Variants in ZNF521 observed in about 807,000 individuals in gnomAD.
ZNF521 encodes the protein zinc finger protein 521, also known as LYST-interacting protein 3.
Under a neutral mutation model 105.5 loss-of-function variants are expected in ZNF521, and 14 were observed. The ratio of observed to expected loss-of-function variants is 0.13; its 90% CI spans 0.09 to 0.21. The LOEUF (loss-of-function observed/expected upper bound fraction) is 0.21. ZNF521 is among the 10% of genes least tolerant of loss of function. ZNF521 has a pLI of 1.00. For missense variants in ZNF521, 1,233 were observed against 1,629.7 expected, an observed-to-expected ratio of 0.76 and a Z score of 4.19; for synonymous variants, 635 against 606.0, an observed-to-expected ratio of 1.05 and a Z score of -0.70.
At chr18:25,130,979 A>C (rs1320595765) in intron 5 of ZNF521, among the ~76,000 whole-genome samples, 3 of 145,484 alleles carry the variant, frequency 2.1e-5, no homozygotes, top group Non-Finnish European at 4.6e-5. Context: ...TCAATCAATC[A>C]ATCCTACACA....
intron 3 of ZNF521, among the ~76,000 whole-genome samples, chr18:25,238,531 G>A (rs1250674143): frequency 1.3e-5 from 2 of 152,146 alleles, no homozygotes; most frequent in Non-Finnish European, 2.9e-5. Flanking sequence ...ATCAGGTATT[G>A]ACAAAGCAAA....
At chr18:25,317,821 G>A (rs529365145) in intron 3 of ZNF521, among the ~76,000 whole-genome samples, 8 of 152,140 alleles carry the variant, frequency 5.3e-5, no homozygotes, top group South Asian at 2.1e-4. Context: ...AATTAAAGAC[G>A]GATAATATAA....
At chr18:25,351,517 CTT>C (rs1176777656) in intron 1 of ZNF521, 5 of 149,820 alleles carry the variant, frequency 3.3e-5, no homozygotes, top group African/African-American at 1.2e-4. Context: ...GAGTCGTGCT[CTT>C]TTGTAGTTGG....
chr18:25,244,808 T>C (rs554940962), intron 3 of ZNF521, among the ~76,000 whole-genome samples: 44 of 152,312 alleles, frequency 2.9e-4, no homozygotes, highest in African/African-American at 1.1e-3. Flanking sequence ...GGTTTCTGTC[T>C]CCTCACCCCA....
chr18:25,333,849 A>T (rs1404779911), intron 2 of ZNF521, among the ~76,000 whole-genome samples: 1 of 152,188 alleles, frequency 6.6e-6, no homozygotes, highest in Non-Finnish European at 1.5e-5. Context: ...GCAGTGTGGT[A>T]TTACCAGGGG....
chr18:25,094,104 T>C (rs560297879), intron 5 of ZNF521, among the ~76,000 whole-genome samples: 2 of 152,212 alleles, frequency 1.3e-5, no homozygotes, highest in South Asian at 2.1e-4. Flanking sequence ...TGAACTGATA[T>C]ACACTTGTTC....
intron 5 of ZNF521, among the ~76,000 whole-genome samples, chr18:25,176,407 G>A (rs550832494): frequency 6.6e-6 from 1 of 152,272 alleles, no homozygotes; most frequent in South Asian, 2.1e-4. Context: ...TATGCACTGA[G>A]CAATCTTCGT....
chr18:25,282,501 G>T (rs1910442569), intron 3 of ZNF521, among the ~76,000 whole-genome samples: 1 of 152,052 alleles, frequency 6.6e-6, no homozygotes, highest in South Asian at 2.1e-4. Context: ...CTGCAGAGCG[G>T]CACTCCATCC....
At chr18:25,187,359 CTA>C (rs2035744521) in intron 5 of ZNF521, among the ~76,000 whole-genome samples, 1 of 151,882 alleles carries the variant, frequency 6.6e-6, no homozygotes, top group African/African-American at 2.4e-5. Flanking sequence ...TACAATTTCT[CTA>C]TTTCTCCTGC....
At chr18:25,154,213 G>C (rs1392547103) in intron 5 of ZNF521, among the ~76,000 whole-genome samples, 1 of 152,156 alleles carries the variant, frequency 6.6e-6, no homozygotes, top group Non-Finnish European at 1.5e-5. Context: ...TTCTTAAAAG[G>C]CTTCCTTTCT....
intron 4 of ZNF521, among the ~76,000 whole-genome samples, chr18:25,195,569 T>A (rs2035888441): frequency 8.7e-6 from 1 of 114,582 alleles, no homozygotes; most frequent in South Asian, 2.5e-4. Context: ...AAAACATGCG[T>A]ATTAAAAAAA....
chr18:25,089,648 G>T, intron 6 of ZNF521, 68 bp from the exon 7 acceptor site: 1 of 1,299,996 alleles, frequency 7.7e-7, no homozygotes, highest in Non-Finnish European at 1.1e-6. Flanking sequence ...CGATGACTCT[G>T]CATGAACAGA....
Position 25,255,388 on chromosome 18 carries a change from T to C in ZNF521, c.221-27691A>G, listed in dbSNP as rs8087785. On this transcript the variant is annotated intron_variant, in intron 3 of 7. Transcript: ENST00000361524. Reference sequence around the variant, plus strand: ...GAAAGTTTAACTTTTTCCCTTCAAATTTGTATAAAACTGCAACCACCTTTC... The same window carrying C: ...GAAAGTTTAACTTTTTCCCTTCAAACTTGTATAAAACTGCAACCACCTTTC... 1.0e-2 allele frequency among the ~76,000 whole-genome samples: 1,518 copies of C among 152,242 alleles called. 26 individuals carry two copies. Among genetic ancestry groups the C allele is most frequent in the African/African-American group, 0.034 (1,413 of 41,558 alleles).
chr18:25,097,575 C>T (rs1384446505), intron 5 of ZNF521, among the ~76,000 whole-genome samples: 40 of 152,034 alleles, frequency 2.6e-4, no homozygotes, highest in Admixed American at 2.2e-3. Context: ...AGTATTTCTA[C>T]GCCACATGAG....
chr18:25,146,224 C>A (rs1353638085), intron 5 of ZNF521, among the ~76,000 whole-genome samples: 2 of 152,138 alleles, frequency 1.3e-5, no homozygotes, highest in East Asian at 1.9e-4. Flanking sequence ...AGCTTACTAA[C>A]CCTCCTAAGT....
At chr18:25,149,839 C>G (rs1485603487) in intron 5 of ZNF521, among the ~76,000 whole-genome samples, 1 of 152,164 alleles carries the variant, frequency 6.6e-6, no homozygotes, top group Non-Finnish European at 1.5e-5. Flanking sequence ...ACTCTGCCAC[C>G]TGGGTGAGCA....
intron 5 of ZNF521, among the ~76,000 whole-genome samples, chr18:25,112,915 G>GC (rs1285534640): frequency 2.0e-5 from 3 of 151,842 alleles, no homozygotes; most frequent in African/African-American, 7.3e-5. Context: ...TGCTGCCCTT[G>GC]CCTGGTCCCA....
chr18:25,158,182 G>A (rs749310186), intron 5 of ZNF521, among the ~76,000 whole-genome samples: 1 of 152,032 alleles, frequency 6.6e-6, no homozygotes, highest in African/African-American at 2.4e-5. Flanking sequence ...CAAAGGGATA[G>A]GTGTATTATG....
Position 25,164,511 on chromosome 18 carries a change from G to GA in ZNF521, c.3658+30648dup, listed in dbSNP as rs2035303627. On this transcript the variant is annotated intron_variant, in intron 5 of 7. Transcript: ENST00000361524. Reference sequence around the variant, plus strand: ...TTTTTGCACGGAAAGAAACTAGGAAGATCAAAGTAGTCCTGTGTGTTACTA... The same window carrying GA: ...TTTTTGCACGGAAAGAAACTAGGAAGAATCAAAGTAGTCCTGTGTGTTACTA... Among the ~76,000 whole-genome samples, 3 of 152,320 alleles carry GA rather than the reference G, an allele frequency of 2.0e-5. No homozygotes were observed. The South Asian group carries it at 6.2e-4, about 32-fold the overall frequency.
Sources: gnomAD v4.1 joint callset for allele counts (sites outside exome capture counted in the v4.1 genomes callset) on GRCh38, gnomAD v4.1.1 for gene constraint, MANE v1.5 for transcripts, NCBI Gene and HGNC (gene_info 2026-07-23, HGNC 2026-07-21) for gene names.